The following FBXW10 variants were observed in gnomAD, a reference collection of about 807,000 sequenced individuals.
FBXW10 encodes the protein F-box and WD repeat domain containing 10, also known as F-box/WD repeat-containing protein 10.
A neutral mutation model predicts 113.1 loss-of-function variants in FBXW10; 68 were observed. The observed-to-expected ratio is 0.60, with a 90% CI of 0.49 to 0.74. The LOEUF is 0.74. Among genes scored for constraint, FBXW10 ranks in the 30% least tolerant of loss-of-function variants. The pLI is 0.00. For synonymous variants in FBXW10, 289 were observed against 481.6 expected, an observed-to-expected ratio of 0.60 and a Z score of 5.24; for missense variants, 753 against 1,284.5, an observed-to-expected ratio of 0.59 and a Z score of 6.32.
Position 18,775,093 on chromosome 17 carries a change from G to T in FBXW10, c.2279-43G>T, listed in dbSNP as rs200809443. The T allele has an allele frequency of 6.9e-6, 9 of 1,309,844 alleles. No homozygotes were observed. The South Asian group carries it at 1.1e-4, about 16-fold the overall frequency. 81.1% of individuals were successfully genotyped at this position (1,309,844 alleles called of 1,614,324 possible). On this transcript the variant is annotated intron_variant, in intron 12 of 13. Transcript: ENST00000395665. ...GATTATATTATTTTATGCCCTAATC[G>T]AAGTATATAATGACTACAGCTTCTT... is the stretch of plus-strand genomic sequence containing the variant.
At chr17:18,777,068 T>TG (rs1374858323) in intron 13 of FBXW10, among the ~76,000 whole-genome samples, 3 of 150,304 alleles carry the variant, frequency 2.0e-5, no homozygotes, top group Non-Finnish European at 3.0e-5. Flanking sequence ...CTCAGTTTTT[T>TG]TTTTTTTTTT....
At chr17:18,765,984 C>T (rs2035490127) in intron 8 of FBXW10, among the ~76,000 whole-genome samples, 1 of 151,966 alleles carries the variant, frequency 6.6e-6, no homozygotes, top group Non-Finnish European at 1.5e-5. Flanking sequence ...GCCTTGGCCT[C>T]CCAAAGTGCT....
chr17:18,775,060 T>A, intron 12 of FBXW10, 76 bp from the exon 13 acceptor site: 2 of 925,240 alleles, frequency 2.2e-6, no homozygotes, highest in South Asian at 1.5e-5. Context: ...ATCAGCCCCA[T>A]TATTATTGAT....
chr17:18,766,983 C>G, intron 9 of FBXW10, 121 bp downstream of exon 9: 1 of 1,145,786 alleles, frequency 8.7e-7, no homozygotes, highest in Non-Finnish European at 1.3e-6. Context: ...GAAGGACAGT[C>G]CTGAAGCTCT....
Position 18,750,045 on chromosome 17 carries a change from T to C in FBXW10, c.907T>C (p.Ser303Pro). ...LDRHTLNKCA[S>P]VSQHWAAMAQ... ...TAGACACACCCTGAACAAGTGCGCC[T>C]CTGTGAGCCAGCACTGGGCCGCCAT... is the stretch of plus-strand genomic sequence containing the variant. Residue 303 changes from serine to proline, a missense_variant, in exon 4 of 14, where the codon TCT becomes CCT. Ser to Pro is a moderately conservative substitution (Grantham distance 74). Coordinates refer to ENST00000395665, the MANE Select transcript of FBXW10 (RefSeq NM_001267585.2). The C allele has an allele frequency of 6.2e-7, 1 of 1,613,924 alleles. No homozygotes were observed. Among genetic ancestry groups the C allele is most frequent in the Non-Finnish European group, 8.5e-7 (1 of 1,179,990 alleles).
At chr17:18,770,354 A>C (rs796272729) in intron 11 of FBXW10, among the ~76,000 whole-genome samples, 5 of 149,966 alleles carry the variant, frequency 3.3e-5, no homozygotes, top group African/African-American at 1.2e-4. Flanking sequence ...CACAGGCTGG[A>C]GTGCAGTGAT....
Position 18,746,916 on chromosome 17 carries a change from CTTCTTT to C in FBXW10, c.506-1022_506-1017del, listed in dbSNP as rs1567613920. Among the ~76,000 whole-genome samples, 279 of 149,416 alleles carry C rather than the reference CTTCTTT, an allele frequency of 1.9e-3. 2 individuals are homozygous for C. Among genetic ancestry groups the C allele is most frequent in the African/African-American group, 6.4e-3 (260 of 40,544 alleles). On this transcript the variant is annotated intron_variant, in intron 1 of 13. Coordinates refer to ENST00000395665, the MANE Select transcript of FBXW10 (RefSeq NM_001267585.2). ...AAGTCCTATTACAGGTTGTGGCAAC[CTTCTTT>C]TTTTTTTTTTTTTTTTTGAGACAGA...
At chr17:18,771,783 C>T (rs554387711) in intron 11 of FBXW10, among the ~76,000 whole-genome samples, 1 of 152,300 alleles carries the variant, frequency 6.6e-6, no homozygotes, top group Admixed American at 6.5e-5. Flanking sequence ...GTACGTGGCA[C>T]TCACTCCAGG....
At chr17:18,772,743 T>C (rs1311339510) in intron 12 of FBXW10, 60 bp downstream of exon 12, 4 of 1,437,690 alleles carry the variant, frequency 2.8e-6, no homozygotes, top group African/African-American at 1.4e-5. Context: ...CGGGGTTTGG[T>C]GGGGGTGGTG....
In FBXW10 at chr17:18,772,537, G is replaced by T. The variant is rs545645738; in HGVS notation, c.2132G>T (p.Ser711Ile). The change falls in exon 12 of 14, where the codon AGT becomes ATT. Residue 711 changes from serine (S) to isoleucine (I), a missense_variant. Ser to Ile is a moderately radical substitution (Grantham distance 142). Coordinates refer to ENST00000395665, the MANE Select transcript of FBXW10 (RefSeq NM_001267585.2). ...AAAGAGGAGGAAAAAGAAGAAAATAGTCTCATGGAAATTCTCTCTAAGTGT... is the reference window on the plus strand; with the variant it reads ...AAAGAGGAGGAAAAAGAAGAAAATATTCTCATGGAAATTCTCTCTAAGTGT... ...KEKEEEKEEN[S>I]LMEILSKCNI... 1 of 1,613,942 alleles carries T rather than the reference G, an allele frequency of 6.2e-7. No homozygotes were observed. The highest frequency in any genetic ancestry group is 1.3e-5 in the African/African-American group (1 of 74,906).
At position 18,751,056 on chromosome 17, in the gene FBXW10, G is replaced by A. The variant is rs2035159337; in HGVS notation, c.1122+3G>A. On this transcript the variant is annotated splice_donor_region_variant and intron_variant, in intron 5 of 13. Transcript: ENST00000395665. ...CGAAGTGGAAGCTGAGAACGAAGGT[G>A]GGTTCCAACAGCATCTGGGGCAAGT... 6.2e-7 allele frequency: 1 copy of A among 1,613,862 alleles called. No individual in the cohort carries two copies. Among genetic ancestry groups the A allele is most frequent in the African/African-American group, 1.3e-5 (1 of 75,014 alleles).
chr17:18,767,069 G>A (rs1171016192), intron 9 of FBXW10, among the ~76,000 whole-genome samples: 4 of 152,150 alleles, frequency 2.6e-5, no homozygotes, highest in Admixed American at 6.6e-5. Flanking sequence ...CATGACCCAC[G>A]GTATCATGGG....
rs150006059 is a variant in FBXW10 at position 18,769,939 on chromosome 17, C to T, written c.1860C>T (p.Asp620=). The stretch of plus-strand genomic sequence containing the variant: ...TGTTCCCTTCCAGGGAGGTGCTCGA[C>T]GTGTCCCTTCTCTTCCTCCGGGTCA... The part of the protein sequence containing the change: ...MAFKHPKEVL[D]VSLLFLRVIS... The change falls in exon 11 of 14, where the codon GAC becomes GAT. Residue 620 remains aspartate, a synonymous_variant. Transcript: ENST00000395665. The T allele has an allele frequency of 2.0e-5, 32 of 1,614,040 alleles. No individual in the cohort carries two copies. Among genetic ancestry groups the T allele is most frequent in the African/African-American group, 1.2e-4 (9 of 74,894 alleles).
intron 2 of FBXW10, among the ~76,000 whole-genome samples, chr17:18,749,070 A>G (rs1470397787): frequency 1.3e-5 from 2 of 152,166 alleles, no homozygotes; most frequent in East Asian, 3.9e-4. Flanking sequence ...ACAATTATCA[A>G]CACTTTACCA....
intron 4 of FBXW10, 59 bp from the exon 5 acceptor site, chr17:18,750,872 A>C (rs2035153185): frequency 2.6e-6 from 4 of 1,560,514 alleles, no homozygotes; most frequent in Non-Finnish European, 3.5e-6. Flanking sequence ...GCAGAGTTGG[A>C]GCCAAGAGAA....
intron 5 of FBXW10, among the ~76,000 whole-genome samples, chr17:18,751,392 AT>A (rs1354529300): frequency 3.3e-5 from 5 of 151,362 alleles, no homozygotes; most frequent in Non-Finnish European, 7.4e-5. Context: ...CGCCCGGCTA[AT>A]TTTTTGTATT....
intron 5 of FBXW10, among the ~76,000 whole-genome samples, chr17:18,753,315 G>A (rs908206590): frequency 3.3e-5 from 5 of 151,954 alleles, no homozygotes; most frequent in African/African-American, 1.2e-4. Context: ...AGCAGACTCG[G>A]GGGTATGCCT....
At chr17:18,759,961 G>T in intron 7 of FBXW10, among the ~76,000 whole-genome samples, 1 of 152,144 alleles carries the variant, frequency 6.6e-6, no homozygotes, top group African/African-American at 2.4e-5. Flanking sequence ...CCAGAGACGG[G>T]TCTTGGATGT....
At chr17:18,766,286 C>A (rs1258489406) in intron 8 of FBXW10, among the ~76,000 whole-genome samples, 2 of 151,952 alleles carry the variant, frequency 1.3e-5, no homozygotes, top group African/African-American at 4.8e-5. Flanking sequence ...AAAATGACAA[C>A]ACTACATGTA....
Sources: allele counts gnomAD v4.1 joint callset (sites outside exome capture counted in the v4.1 genomes callset), GRCh38; gene constraint gnomAD v4.1.1; transcripts MANE v1.5; gene names NCBI Gene and HGNC (gene_info 2026-07-23, HGNC 2026-07-21).